The following KCNH7 variants were observed in gnomAD, a reference collection of about 807,000 sequenced individuals.
KCNH7 encodes the protein voltage-gated inwardly rectifying potassium channel KCNH7.
KCNH7 carries 49 observed loss-of-function variants against 120.8 expected under a neutral mutation model. That is an observed-to-expected ratio of 0.41 (90% confidence interval 0.32 to 0.51). KCNH7 has a LOEUF of 0.51. KCNH7 is among the 20% of genes least tolerant of loss of function. The pLI is 0.38. For missense variants in KCNH7, 1,097 were observed against 1,446.6 expected (o/e 0.76, Z 3.92); for synonymous variants, 547 against 516.1 (o/e 1.06, Z -0.81).
chr2:162,394,457 T>C lies in KCNH7; in HGVS notation c.2642A>G (p.Asn881Ser), dbSNP rs1407459487. The C allele has an allele frequency of 1.6e-5, 26 of 1,606,188 alleles. No individual in the cohort carries two copies. The highest frequency in any genetic ancestry group is 2.1e-5 in the Non-Finnish European group (25 of 1,173,772). The change falls in exon 12 of 16, where the codon AAT (asparagine) becomes AGT (serine). Residue 881 changes from asparagine to serine, a missense_variant. Transcript: ENST00000332142. The part of the protein sequence containing the change: ...KADLLRSQSM[N>S]DSEGDNCKLR... Reference sequence around the variant, plus strand: ...TTTACAGTTGTCTCCTTCTGAATCATTCATGGATTGTGATCGTAGGAGATC... The same window carrying C: ...TTTACAGTTGTCTCCTTCTGAATCACTCATGGATTGTGATCGTAGGAGATC...
intron 6 of KCNH7, among the ~76,000 whole-genome samples, chr2:162,469,324 T>C (rs1689416003): frequency 6.6e-6 from 1 of 152,194 alleles, no homozygotes; most frequent in African/African-American, 2.4e-5. Flanking sequence ...ATTGAACAAC[T>C]ATGCTTTTGA....
chr2:162,600,022 C>A (rs1357399219), intron 2 of KCNH7, among the ~76,000 whole-genome samples: 1 of 151,994 alleles, frequency 6.6e-6, no homozygotes, highest in African/African-American at 2.4e-5. Flanking sequence ...ATTTTTCAAG[C>A]AGTTAAGGTC....
At chr2:162,464,894 G>T (rs1689259618) in intron 6 of KCNH7, among the ~76,000 whole-genome samples, 1 of 151,980 alleles carries the variant, frequency 6.6e-6, no homozygotes, top group South Asian at 2.1e-4. Context: ...AACCCTTGGA[G>T]TTCAAAGTTT....
chr2:162,462,244 G>A (rs1308024996), intron 6 of KCNH7, among the ~76,000 whole-genome samples: 1 of 152,058 alleles, frequency 6.6e-6, no homozygotes, highest in Non-Finnish European at 1.5e-5. Context: ...ATAAATGTGT[G>A]TGTATGTATG....
chr2:162,613,848 C>A (rs924733056), intron 2 of KCNH7, among the ~76,000 whole-genome samples: 10 of 151,774 alleles, frequency 6.6e-5, no homozygotes, highest in African/African-American at 2.4e-4. Context: ...AATATGCATG[C>A]TACATTTTTG....
intron 2 of KCNH7, among the ~76,000 whole-genome samples, chr2:162,773,812 C>T (rs1265193435): frequency 6.6e-6 from 1 of 152,074 alleles, no homozygotes; most frequent in Non-Finnish European, 1.5e-5. Context: ...TAAATGTTTA[C>T]AACCTTATTA....
intron 2 of KCNH7, among the ~76,000 whole-genome samples, chr2:162,770,998 T>A (rs1005988217): frequency 1.1e-4 from 17 of 152,142 alleles, no homozygotes; most frequent in Admixed American, 9.8e-4. Context: ...AGGTGATGGT[T>A]ATGTTTTATG....
intron 2 of KCNH7, among the ~76,000 whole-genome samples, chr2:162,778,205 G>A (rs1574376881): frequency 6.6e-6 from 1 of 152,112 alleles, no homozygotes; most frequent in East Asian, 1.9e-4. Flanking sequence ...TAATCTCAGT[G>A]CTCTATATAT....
intron 2 of KCNH7, among the ~76,000 whole-genome samples, chr2:162,682,417 CAGAGAG>C (rs35747306): frequency 1.8e-4 from 26 of 147,218 alleles, no homozygotes; most frequent in Admixed American, 2.1e-4. Context: ...GAGACAGAGA[CAGAGAG>C]AGAGAGAGAG....
chr2:162,743,764 T>C (rs1207652483), intron 2 of KCNH7, among the ~76,000 whole-genome samples: 5 of 152,168 alleles, frequency 3.3e-5, no homozygotes, highest in South Asian at 4.1e-4. Flanking sequence ...ATTTAAATTA[T>C]GCCACTCTCG....
chr2:162,766,932 A>G (rs2105463209), intron 2 of KCNH7, among the ~76,000 whole-genome samples: 1 of 151,852 alleles, frequency 6.6e-6, no homozygotes, highest in East Asian at 1.9e-4. Context: ...TTATTTCTAC[A>G]CAAAGAGTAG....
intron 2 of KCNH7, among the ~76,000 whole-genome samples, chr2:162,731,192 T>C (rs1167144616): frequency 6.7e-6 from 1 of 149,792 alleles, no homozygotes; most frequent in Non-Finnish European, 1.5e-5. Flanking sequence ...ATTTTGACTC[T>C]TAAAGGATTC....
In KCNH7 at chr2:162,549,846, T is replaced by A. The variant is rs879710507; in HGVS notation, c.308-12766A>T. Among the ~76,000 whole-genome samples the A allele has an allele frequency of 3.1e-3, 471 of 152,346 alleles. 6 individuals are homozygous for A. Among genetic ancestry groups the A allele is most frequent in the Admixed American group, 0.026 (401 of 15,302 alleles). On this transcript the variant is annotated intron_variant, in intron 2 of 15. Coordinates refer to ENST00000332142, the MANE Select transcript of KCNH7 (RefSeq NM_033272.4). ...ATGCTTATAAGAACAAGGACTGAGC[T>A]AATATTTTGTCATCTTGTAACATCA...
chr2:162,714,037 C>T (rs903604233), intron 2 of KCNH7, among the ~76,000 whole-genome samples: 6 of 152,204 alleles, frequency 3.9e-5, no homozygotes, highest in African/African-American at 9.6e-5. Context: ...CATGAGCCAC[C>T]GTGCCTAGCC....
chr2:162,716,641 A>T (rs1417030975), intron 2 of KCNH7, among the ~76,000 whole-genome samples: 3 of 152,254 alleles, frequency 2.0e-5, no homozygotes, highest in South Asian at 2.1e-4. Flanking sequence ...ATAAGTGAAG[A>T]TATCATTGAC....
At chr2:162,532,834 TA>T (rs1022784928) in intron 3 of KCNH7, among the ~76,000 whole-genome samples, 20 of 151,874 alleles carry the variant, frequency 1.3e-4, no homozygotes, top group Non-Finnish European at 2.2e-4. Context: ...AGAAAATAGA[TA>T]AGCTCACTGA....
intron 2 of KCNH7, among the ~76,000 whole-genome samples, chr2:162,559,332 G>T (rs1010493327): frequency 1.3e-5 from 2 of 152,106 alleles, no homozygotes; most frequent in African/African-American, 4.8e-5. Flanking sequence ...TCTTATCAAA[G>T]AATTCTAATA....
chr2:162,560,817 A>G (rs1290062370), intron 2 of KCNH7, among the ~76,000 whole-genome samples: 1 of 152,214 alleles, frequency 6.6e-6, no homozygotes, highest in African/African-American at 2.4e-5. Flanking sequence ...CTTGTGATTT[A>G]AAAGTATTGC....
chr2:162,734,454 G>A (rs889425472), intron 2 of KCNH7, among the ~76,000 whole-genome samples: 1 of 152,094 alleles, frequency 6.6e-6, no homozygotes, highest in Non-Finnish European at 1.5e-5. Flanking sequence ...AAGCACTAAA[G>A]CGACATGGTG....
Sources: allele counts gnomAD v4.1 joint callset (sites outside exome capture counted in the v4.1 genomes callset), GRCh38; gene constraint gnomAD v4.1.1; transcripts MANE v1.5; gene names NCBI Gene and HGNC (gene_info 2026-07-23, HGNC 2026-07-21).